PPM1L: variants seen among roughly 807,000 people sequenced by gnomAD.
PPM1L encodes the protein protein phosphatase, Mg2+/Mn2+ dependent 1L.
PPM1L carries 13 observed loss-of-function variants against 31.4 expected under a neutral mutation model. That is an observed-to-expected ratio of 0.41 (90% CI 0.27 to 0.66). The LOEUF (loss-of-function observed/expected upper bound fraction) is 0.66. PPM1L is among the 30% of genes least tolerant of loss of function. The pLI, the probability that PPM1L is intolerant of heterozygous loss-of-function variation, is 0.29. For missense variants in PPM1L, 326 were observed against 453.7 expected (o/e 0.72, Z 2.56); for synonymous variants, 184 against 175.4 (o/e 1.05, Z -0.39).
At chr3:160,953,201 A>T (rs925490692) in intron 1 of PPM1L, among the ~76,000 whole-genome samples, 7 of 152,192 alleles carry the variant, frequency 4.6e-5, no homozygotes. Flanking sequence ...TGATAAATCC[A>T]TTTCTTGGTT....
chr3:160,852,992 G>A (rs763140148), intron 1 of PPM1L, among the ~76,000 whole-genome samples: 2 of 152,006 alleles, frequency 1.3e-5, no homozygotes, highest in Non-Finnish European at 2.9e-5. Context: ...TCAAGGTGTC[G>A]ACAGGGTCCC....
At chr3:160,920,170 C>T (rs1427353900) in intron 1 of PPM1L, among the ~76,000 whole-genome samples, 1 of 152,174 alleles carries the variant, frequency 6.6e-6, no homozygotes, top group Non-Finnish European at 1.5e-5. Flanking sequence ...TGCAGGCGGG[C>T]TCCAGAGTGT....
chr3:161,054,611 G>T (rs1719363861), intron 2 of PPM1L, among the ~76,000 whole-genome samples: 1 of 152,134 alleles, frequency 6.6e-6, no homozygotes, highest in South Asian at 2.1e-4. Context: ...GCAATGGCCT[G>T]CCCTGATGTT....
chr3:161,030,078 T>C (rs565275176), intron 2 of PPM1L, among the ~76,000 whole-genome samples: 1 of 152,324 alleles, frequency 6.6e-6, no homozygotes, highest in African/African-American at 2.4e-5. Context: ...GACAAAATTT[T>C]ACAGACTGTC....
intron 2 of PPM1L, chr3:161,022,489 C>T: frequency 4.6e-6 from 1 of 216,004 alleles, no homozygotes; most frequent in African/African-American, 2.3e-5. Flanking sequence ...ATTATATTTA[C>T]TTAATTATTG....
At chr3:160,976,830 G>C (rs1176170030) in intron 2 of PPM1L, among the ~76,000 whole-genome samples, 1 of 152,034 alleles carries the variant, frequency 6.6e-6, no homozygotes, top group Non-Finnish European at 1.5e-5. Flanking sequence ...ACCAGCTCCT[G>C]GATTCATTAA....
chr3:161,006,501 T>C (rs1717710369), intron 2 of PPM1L, among the ~76,000 whole-genome samples: 1 of 152,086 alleles, frequency 6.6e-6, no homozygotes, highest in Non-Finnish European at 1.5e-5. Flanking sequence ...GAACTATATA[T>C]TTTTTTACCA....
At chr3:160,887,702 T>G (rs182522579) in intron 1 of PPM1L, among the ~76,000 whole-genome samples, 1 of 151,240 alleles carries the variant, frequency 6.6e-6, no homozygotes, top group East Asian at 2.0e-4. Flanking sequence ...TGCCTCAGCC[T>G]CCCTAGTAGC....
chr3:160,892,637 C>T (rs1713196129), intron 1 of PPM1L, among the ~76,000 whole-genome samples: 1 of 151,728 alleles, frequency 6.6e-6, no homozygotes, highest in African/African-American at 2.4e-5. Context: ...CCCTTCGTTC[C>T]ACATTGGGGT....
chr3:161,047,904 A>G (rs990150756), intron 2 of PPM1L, among the ~76,000 whole-genome samples: 3 of 152,234 alleles, frequency 2.0e-5, no homozygotes, highest in African/African-American at 7.2e-5. Context: ...CTGAAACTGG[A>G]TCCCTCCCTT....
chr3:160,923,456 A>C (rs1180171201), intron 1 of PPM1L, among the ~76,000 whole-genome samples: 1 of 152,230 alleles, frequency 6.6e-6, no homozygotes, highest in East Asian at 1.9e-4. Context: ...CCTCAAGATA[A>C]CTTAGAAAAT....
At chr3:160,785,081 T>C (rs1472682379) in intron 1 of PPM1L, among the ~76,000 whole-genome samples, 1 of 152,202 alleles carries the variant, frequency 6.6e-6, no homozygotes, top group African/African-American at 2.4e-5. Context: ...TTTAGTTTTA[T>C]CCAGTCCATT....
chr3:160,896,300 G>A (rs935190613), intron 1 of PPM1L, among the ~76,000 whole-genome samples: 2 of 151,984 alleles, frequency 1.3e-5, no homozygotes, highest in African/African-American at 4.8e-5. Flanking sequence ...GAAAACAGTA[G>A]CATTTTAGAG....
chr3:161,043,611 T>C (rs1218043019), intron 2 of PPM1L, among the ~76,000 whole-genome samples: 2 of 152,228 alleles, frequency 1.3e-5, no homozygotes, highest in Admixed American at 6.5e-5. Flanking sequence ...TCTGGTTTTA[T>C]TGCAAATCAG....
intron 2 of PPM1L, among the ~76,000 whole-genome samples, chr3:161,009,393 G>GT (rs1413310282): frequency 1.3e-5 from 2 of 152,110 alleles, no homozygotes; most frequent in African/African-American, 4.8e-5. Context: ...TTATCAAGAA[G>GT]TTTTTTAAAA....
chr3:161,005,593 C>T (rs1717678554), intron 2 of PPM1L, among the ~76,000 whole-genome samples: 1 of 152,070 alleles, frequency 6.6e-6, no homozygotes, highest in Admixed American at 6.6e-5. Flanking sequence ...TATCACTTAC[C>T]ACATGATCTC....
chr3:161,059,847 T>C (rs1358359804), intron 2 of PPM1L, among the ~76,000 whole-genome samples: 4 of 152,038 alleles, frequency 2.6e-5, no homozygotes, highest in Non-Finnish European at 2.9e-5. Context: ...CCCCACCCAC[T>C]TCCTTCTGCT....
Position 161,072,565 on chromosome 3 carries a change from T to C in PPM1L, c.*3408T>C, listed in dbSNP as rs1311011659. 6.6e-6 allele frequency: 1 copy of C among 152,254 alleles called. No homozygotes were observed. The highest frequency in any genetic ancestry group is 1.5e-5 in the Non-Finnish European group (1 of 68,042). 9.4% of individuals were successfully genotyped at this position (152,254 alleles called of 1,614,324 possible). On this transcript the variant is annotated 3_prime_UTR_variant, in exon 4 of 4. Coordinates refer to ENST00000498165, the MANE Select transcript of PPM1L (RefSeq NM_139245.4). ...TTGAATCTGAAGTGATTCTAGGAAA[T>C]TGATTCCACTGTTGGATTCTAGGAA...
At chr3:160,973,543 A>C (rs997256885) in intron 2 of PPM1L, among the ~76,000 whole-genome samples, 1 of 152,312 alleles carries the variant, frequency 6.6e-6, no homozygotes, top group South Asian at 2.1e-4. Context: ...AAAATAAAAT[A>C]GTTTTTAAAG....
Sources: gnomAD v4.1 joint callset for allele counts (sites outside exome capture counted in the v4.1 genomes callset) on GRCh38, gnomAD v4.1.1 for gene constraint, MANE v1.5 for transcripts, NCBI Gene and HGNC (gene_info 2026-07-23, HGNC 2026-07-21) for gene names.